GALNT10: variants seen among roughly 807,000 people sequenced by gnomAD.
The protein encoded by GALNT10 is GalNAc transferase 10.
In GALNT10, 41 loss-of-function variants were observed where a neutral mutation model predicts 75.0. The observed-to-expected ratio is 0.55, with a 90% CI of 0.43 to 0.71. GALNT10 has a LOEUF of 0.71. Among genes scored for constraint, GALNT10 ranks in the 30% least tolerant of loss-of-function variants. The pLI is 0.00. For missense variants in GALNT10, 727 were observed against 818.5 expected (o/e 0.89, Z 1.36); for synonymous variants, 302 against 313.0 (o/e 0.96, Z 0.37).
intron 4 of GALNT10, among the ~76,000 whole-genome samples, chr5:154,374,325 T>C (rs888863141): frequency 1.3e-5 from 2 of 152,220 alleles, no homozygotes; most frequent in Admixed American, 6.5e-5. Flanking sequence ...TGTATGTATG[T>C]AGATCATCTT....
At chr5:154,384,517 T>C (rs1476374794) in intron 6 of GALNT10, among the ~76,000 whole-genome samples, 1 of 152,226 alleles carries the variant, frequency 6.6e-6, no homozygotes, top group Non-Finnish European at 1.5e-5. Context: ...TATCTCACAC[T>C]CACAGCACAT....
chr5:154,350,763 A>C (rs1755194204), intron 4 of GALNT10, among the ~76,000 whole-genome samples: 1 of 152,338 alleles, frequency 6.6e-6, no homozygotes, highest in Middle Eastern at 3.4e-3. Flanking sequence ...TCGCTCCCGC[A>C]CACCGCTAGC....
At chr5:154,330,341 G>T (rs565650418) in intron 4 of GALNT10, among the ~76,000 whole-genome samples, 2 of 152,364 alleles carry the variant, frequency 1.3e-5, no homozygotes, top group South Asian at 2.1e-4. Context: ...GAGTGTTTTG[G>T]TTTGTGGCCT....
At chr5:154,383,885 AACTGCCTGAG>A (rs1000017424) in intron 6 of GALNT10, among the ~76,000 whole-genome samples, 1 of 152,228 alleles carries the variant, frequency 6.6e-6, no homozygotes, top group Admixed American at 6.5e-5. Context: ...TGCTATAAAG[AACTGCCTGAG>A]ACTGGGTAAT....
intron 7 of GALNT10, among the ~76,000 whole-genome samples, chr5:154,401,830 A>G (rs549754896): frequency 6.6e-6 from 1 of 152,242 alleles, no homozygotes; most frequent in South Asian, 2.1e-4. Flanking sequence ...GTGAAGCCCA[A>G]TCCCCACGAC....
chr5:154,293,223 C>T (rs1226095023), intron 1 of GALNT10, among the ~76,000 whole-genome samples: 1 of 152,204 alleles, frequency 6.6e-6, no homozygotes, highest in Non-Finnish European at 1.5e-5. Context: ...GCACACCACA[C>T]ATCAGGGCCT....
chr5:154,234,773 C>A (rs1581931770), intron 1 of GALNT10, among the ~76,000 whole-genome samples: 1 of 152,220 alleles, frequency 6.6e-6, no homozygotes, highest in Non-Finnish European at 1.5e-5. Context: ...TCTCTCACTA[C>A]ATTATTCTGA....
intron 2 of GALNT10, 70 bp downstream of exon 2, chr5:154,294,988 G>C (rs932445954): frequency 4.3e-6 from 3 of 700,534 alleles, no homozygotes; most frequent in Admixed American, 4.3e-5. Context: ...GTGTGTGTGT[G>C]TGTGTGTGTG....
intron 7 of GALNT10, among the ~76,000 whole-genome samples, chr5:154,399,382 G>A (rs994391922): frequency 3.3e-5 from 5 of 152,298 alleles, no homozygotes; most frequent in African/African-American, 1.2e-4. Flanking sequence ...GTTGAGAGCT[G>A]TTTGTCACAA....
intron 4 of GALNT10, among the ~76,000 whole-genome samples, chr5:154,331,138 G>C (rs1754857478): frequency 6.6e-6 from 1 of 152,182 alleles, no homozygotes; most frequent in South Asian, 2.1e-4. Context: ...TATTTTGATT[G>C]CAGGGACTAC....
rs764282530 is a variant in GALNT10 at position 154,376,263 on chromosome 5, C to A, written c.569-14C>A. Reference sequence around the variant, plus strand: ...GCAACTGTTCTCACTCTTCTGTCCTCTTCTGTCTCATAGAGCACCTGAAGA... The same window carrying A: ...GCAACTGTTCTCACTCTTCTGTCCTATTCTGTCTCATAGAGCACCTGAAGA... On this transcript the variant is annotated splice_polypyrimidine_tract_variant and intron_variant, in intron 4 of 11. Coordinates refer to ENST00000297107, the MANE Select transcript of GALNT10 (RefSeq NM_198321.4). This position sits in a 1 kb window ranked among gnomAD's most constrained non-coding sequence, Gnocchi z 4.1. 6.3e-6 allele frequency: 10 copies of A among 1,575,748 alleles called. No homozygotes were observed. Among genetic ancestry groups the A allele is most frequent in the Non-Finnish European group, 8.7e-6 (10 of 1,147,856 alleles).
chr5:154,361,835 G>A (rs976797561), intron 4 of GALNT10, among the ~76,000 whole-genome samples: 6 of 152,194 alleles, frequency 3.9e-5, no homozygotes, highest in Non-Finnish European at 5.9e-5. Flanking sequence ...GGAGGACAGC[G>A]GTGACCCACA....
intron 9 of GALNT10, among the ~76,000 whole-genome samples, chr5:154,411,922 G>T (rs555155936): frequency 6.6e-6 from 1 of 152,246 alleles, no homozygotes; most frequent in African/African-American, 2.4e-5. Context: ...AAGGAGAGCC[G>T]GGATAGGAAG....
At chr5:154,351,060 AT>A (rs1755198587) in intron 4 of GALNT10, among the ~76,000 whole-genome samples, 1 of 152,242 alleles carries the variant, frequency 6.6e-6, no homozygotes, top group African/African-American at 2.4e-5. Context: ...ATTACCAAAA[AT>A]ATCCCATTTT....
intron 4 of GALNT10, among the ~76,000 whole-genome samples, chr5:154,336,617 TG>T (rs1311663714): frequency 6.6e-6 from 1 of 152,208 alleles, no homozygotes; most frequent in African/African-American, 2.4e-5. Flanking sequence ...ATCTGCCATT[TG>T]TAAATTTTCT....
intron 4 of GALNT10, among the ~76,000 whole-genome samples, chr5:154,370,153 G>T (rs1219537415): frequency 6.6e-6 from 1 of 152,224 alleles, no homozygotes; most frequent in South Asian, 2.1e-4. Context: ...TCTGGACCTT[G>T]TCTTGAAGTG....
intron 1 of GALNT10, among the ~76,000 whole-genome samples, chr5:154,271,882 T>C (rs1753870631): frequency 6.6e-6 from 1 of 152,244 alleles, no homozygotes; most frequent in South Asian, 2.1e-4. Context: ...GCTGCTGCTC[T>C]GCCTCCTTCC....
At position 154,412,970 on chromosome 5, in the gene GALNT10, C is replaced by T. The variant is rs764597753; in HGVS notation, c.1468C>T (p.Arg490Ter). The change falls in exon 10 of 12, where the codon CGA becomes TGA. Residue 490 changes from arginine to a stop codon, truncating the protein, a stop_gained. Coordinates refer to ENST00000297107, the MANE Select transcript of GALNT10 (RefSeq NM_198321.4). LOFTEE classifies it high-confidence loss of function. This position sits in a 1 kb window ranked among gnomAD's most constrained non-coding sequence, Gnocchi z 4.2. Reference protein sequence around the residue: ...GSPLRLEGCVRGRGEAAWNNM... With the variant: ...GSPLRLEGCV The stretch of plus-strand genomic sequence containing the variant: ...CCCACTAAGGCTAGAGGGCTGCGTC[C>T]GAGGCCGTGGGGAGGCTGCCTGGAA... 15 of 1,612,846 alleles carry T rather than the reference C, an allele frequency of 9.3e-6. No individual in the cohort carries two copies. The highest frequency in any genetic ancestry group is 2.2e-5 in the South Asian group (2 of 91,030).
At chr5:154,222,098 T>TTTGGCACCTC (rs1752988541) in intron 1 of GALNT10, among the ~76,000 whole-genome samples, 1 of 151,988 alleles carries the variant, frequency 6.6e-6, no homozygotes, top group Admixed American at 6.6e-5. Flanking sequence ...TCCAAAAGGT[T>TTTGGCACCTC]CTTTGTGCCC....
Sources: allele counts gnomAD v4.1 joint callset (sites outside exome capture counted in the v4.1 genomes callset), GRCh38; gene constraint gnomAD v4.1.1; non-coding constraint Gnocchi (gnomAD v3.1); transcripts MANE v1.5; gene names NCBI Gene and HGNC (gene_info 2026-07-23, HGNC 2026-07-21).